ZBTB49: variants seen among roughly 807,000 people sequenced by gnomAD.
ZBTB49 encodes zinc finger and BTB domain-containing protein 49.
ZBTB49 carries 43 observed loss-of-function variants against 57.5 expected under a neutral mutation model. The ratio of observed to expected loss-of-function variants is 0.75; its 90% CI spans 0.59 to 0.97. The LOEUF (loss-of-function observed/expected upper bound fraction) is 0.97, where lower values mean the gene tolerates loss of function less well. ZBTB49 is among the 50% of genes least tolerant of loss of function. The pLI, the probability that ZBTB49 is intolerant of heterozygous loss-of-function variation, is 0.00. For missense variants in ZBTB49, 938 were observed against 947.7 expected (o/e 0.99, Z 0.13); for synonymous variants, 369 against 362.1 (o/e 1.02, Z -0.22).
intron 2 of ZBTB49, among the ~76,000 whole-genome samples, chr4:4,301,204 A>G (rs1720457826): frequency 6.6e-6 from 1 of 152,200 alleles, no homozygotes; most frequent in Admixed American, 6.5e-5. Flanking sequence ...AGGTGATTGT[A>G]TTTGACAAAA....
At chr4:4,316,785 A>G (rs951678656) in intron 7 of ZBTB49, among the ~76,000 whole-genome samples, 1 of 152,226 alleles carries the variant, frequency 6.6e-6, no homozygotes, top group Non-Finnish European at 1.5e-5. Flanking sequence ...TTGTCCCTGC[A>G]TTTAAATTGT....
At chr4:4,303,490 AT>A (rs1477025380) in intron 3 of ZBTB49, among the ~76,000 whole-genome samples, 1 of 152,178 alleles carries the variant, frequency 6.6e-6, no homozygotes, top group African/African-American at 2.4e-5. Flanking sequence ...ATATAGGTTA[AT>A]TTAGACTAAC....
intron 1 of ZBTB49, among the ~76,000 whole-genome samples, chr4:4,295,997 A>G (rs1720180081): frequency 6.6e-6 from 1 of 152,228 alleles, no homozygotes; most frequent in Admixed American, 6.5e-5. Flanking sequence ...TAGAACATGT[A>G]AAAGCCAAGA....
chr4:4,290,783 C>T (rs1719859100), intron 1 of ZBTB49, among the ~76,000 whole-genome samples: 1 of 152,256 alleles, frequency 6.6e-6, no homozygotes, highest in South Asian at 2.1e-4. Context: ...AGCCCACAGC[C>T]TAGCTCAGTT....
chr4:4,309,804 C>T (rs970830693), intron 4 of ZBTB49, among the ~76,000 whole-genome samples: 1 of 152,232 alleles, frequency 6.6e-6, no homozygotes, highest in Non-Finnish European at 1.5e-5. Context: ...ATTACATTGT[C>T]ATCTCTGAGG....
chr4:4,320,061 G>A (rs1004096068), intron 7 of ZBTB49, among the ~76,000 whole-genome samples: 11 of 151,472 alleles, frequency 7.3e-5, no homozygotes, highest in Admixed American at 5.3e-4. Flanking sequence ...TCTTTTTTTC[G>A]AGACAAACAC....
At chr4:4,297,319 C>G (rs1720254949) in intron 1 of ZBTB49, among the ~76,000 whole-genome samples, 1 of 152,212 alleles carries the variant, frequency 6.6e-6, no homozygotes, top group African/African-American at 2.4e-5. Flanking sequence ...ATCCCCCCAC[C>G]TCAGCCTCCT....
At chr4:4,307,403 C>G (rs78530927) in intron 4 of ZBTB49, among the ~76,000 whole-genome samples, 2,066 of 152,326 alleles carry the variant, frequency 0.014, 28 homozygotes, top group South Asian at 0.041. Context: ...CAGTCTAGAA[C>G]TGAGCTCTGC....
Position 4,320,754 on chromosome 4 carries a change from G to C in ZBTB49, c.1736G>C (p.Arg579Pro). The C allele has an allele frequency of 6.2e-7, 1 of 1,614,218 alleles. No homozygotes were observed. Among genetic ancestry groups the C allele is most frequent in the Non-Finnish European group, 8.5e-7 (1 of 1,180,042 alleles). Residue 579 changes from arginine (R) to proline (P), a missense_variant, in exon 8 of 8, where the codon CGG becomes CCG. Arg to Pro is a moderately radical substitution (Grantham distance 103). Transcript: ENST00000337872. ...NKCFTRSAVLRRHKKMHCKAG... is the reference protein window; with the variant it reads ...NKCFTRSAVLPRHKKMHCKAG... The stretch of plus-strand genomic sequence containing the variant: ...TGCTTTACCCGCTCTGCGGTGCTCC[G>C]GCGGCACAAGAAGATGCACTGCAAA...
chr4:4,301,765 A>G (rs1360041839), intron 2 of ZBTB49, among the ~76,000 whole-genome samples: 1 of 152,016 alleles, frequency 6.6e-6, no homozygotes, highest in Non-Finnish European at 1.5e-5. Flanking sequence ...TTACTTTGAG[A>G]TATATTTTGA....
At chr4:4,313,513 G>A (rs1420755418) in intron 5 of ZBTB49, among the ~76,000 whole-genome samples, 1 of 152,152 alleles carries the variant, frequency 6.6e-6, no homozygotes, top group Non-Finnish European at 1.5e-5. Flanking sequence ...AGAAGGAGGT[G>A]GTGGAAGGTG....
At chr4:4,308,341 T>C (rs1720829854) in intron 4 of ZBTB49, among the ~76,000 whole-genome samples, 1 of 152,170 alleles carries the variant, frequency 6.6e-6, no homozygotes, top group Non-Finnish European at 1.5e-5. Context: ...CCTCCCAAAG[T>C]GCTGGGATTA....
chr4:4,296,261 G>A (rs778091733), intron 1 of ZBTB49, among the ~76,000 whole-genome samples: 14 of 152,180 alleles, frequency 9.2e-5, no homozygotes, highest in Non-Finnish European at 1.6e-4. Flanking sequence ...GGGAAAGTCT[G>A]TTTCAGTGGA....
intron 4 of ZBTB49, among the ~76,000 whole-genome samples, chr4:4,307,245 C>T (rs1245943834): frequency 6.6e-6 from 1 of 152,200 alleles, no homozygotes; most frequent in African/African-American, 2.4e-5. Flanking sequence ...CTCTCCCATC[C>T]AGGAGAACAC....
At position 4,315,930 on chromosome 4, in the gene ZBTB49, T is replaced by C. The variant is rs766893643; in HGVS notation, c.1581T>C (p.Ile527=). Reference sequence around the variant, plus strand: ...AAAGGAAGTTAGTAAAGCACAGAATTCGGCACACGGGGGAGCGGCCTTACA... The same window carrying C: ...AAAGGAAGTTAGTAAAGCACAGAATCCGGCACACGGGGGAGCGGCCTTACA... ...NMQRKLVKHR[I]RHTGERPYSC... Residue 527 remains isoleucine, a synonymous_variant, in exon 7 of 8, where the codon ATT becomes ATC. Coordinates refer to ENST00000337872, the MANE Select transcript of ZBTB49 (RefSeq NM_145291.4). The C allele has an allele frequency of 6.2e-7, 1 of 1,614,104 alleles. No individual in the cohort carries two copies. The highest frequency in any genetic ancestry group is 1.7e-5 in the Admixed American group (1 of 60,020).
chr4:4,315,852 C>A lies in ZBTB49; in HGVS notation c.1503C>A (p.His501Gln). ...FSNLKEHKKTHTADKVFTCDE... is the reference protein window; with the variant it reads ...FSNLKEHKKTQTADKVFTCDE... ...ATTTGAAGGAGCACAAAAAGACACA[C>A]ACGGCTGATAAAGTCTTCACCTGTG... Residue 501 changes from histidine (H) to glutamine (Q), a missense_variant, in exon 7 of 8, where the codon CAC (histidine) becomes CAA (glutamine). This residue lies in a region of ZBTB49 where 835 missense variants were observed against 819.1 expected (regional missense o/e 1.02). Coordinates refer to ENST00000337872, the MANE Select transcript of ZBTB49 (RefSeq NM_145291.4). The A allele has an allele frequency of 6.2e-7, 1 of 1,614,240 alleles. No homozygotes were observed.
chr4:4,297,220 G>A (rs535778941), intron 1 of ZBTB49, among the ~76,000 whole-genome samples: 103 of 152,208 alleles, frequency 6.8e-4, no homozygotes, highest in East Asian at 4.5e-3. Flanking sequence ...ATAGGCACTC[G>A]CCATCATGCC....
intron 5 of ZBTB49, among the ~76,000 whole-genome samples, chr4:4,313,920 T>C (rs578214135): frequency 2.6e-5 from 4 of 152,218 alleles, no homozygotes; most frequent in Non-Finnish European, 4.4e-5. Context: ...ACCTGCTGTA[T>C]GCCAAGTGCT....
intron 5 of ZBTB49, 136 bp downstream of exon 5, chr4:4,313,250 A>G (rs1721050081): frequency 5.0e-6 from 4 of 805,888 alleles, no homozygotes; most frequent in Non-Finnish European, 7.6e-6. Flanking sequence ...GAACACAGGT[A>G]AATTCAAACC....
Sources: allele counts gnomAD v4.1 joint callset (sites outside exome capture counted in the v4.1 genomes callset), GRCh38; gene constraint gnomAD v4.1.1; regional missense constraint gnomAD v4.1.1; transcripts MANE v1.5; gene names NCBI Gene and HGNC (gene_info 2026-07-23, HGNC 2026-07-21).